Variants in NEIL2 observed in about 807,000 individuals in gnomAD.
NEIL2 encodes endonuclease 8-like 2.
In NEIL2, 23 loss-of-function variants were observed where a neutral mutation model predicts 22.2. The ratio of observed to expected loss-of-function variants is 1.04; its 90% CI spans 0.75 to 1.47. The LOEUF (loss-of-function observed/expected upper bound fraction) is 1.47, where lower values mean the gene tolerates loss of function less well. Ranked by LOEUF, NEIL2 falls within the 40% of genes most tolerant of loss-of-function variation. NEIL2 has a pLI of 0.00. For missense variants in NEIL2, 583 were observed against 404.7 expected (o/e 1.44, Z -3.78); for synonymous variants, 229 against 164.8 (o/e 1.39, Z -2.99).
chr8:11,779,494 C>G, intron 2 of NEIL2, 104 bp from the exon 3 acceptor site: 1 of 968,392 alleles, frequency 1.0e-6, no homozygotes, highest in Admixed American at 1.7e-5. Context: ...GAAGGCCCCC[C>G]AGGAGGGGTG....
Position 11,780,553 on chromosome 8 carries a change from A to G in NEIL2, c.491+603A>G, listed in dbSNP as rs1563260592. 2.0e-5 allele frequency among the ~76,000 whole-genome samples: 3 copies of G among 152,022 alleles called. No homozygotes were observed. The South Asian group carries it at 6.2e-4, about 32-fold the overall frequency. On this transcript the variant is annotated intron_variant, in intron 3 of 4. Transcript: ENST00000284503. ...TGCCACCACACCGGCTAACTTTTGTATTTTTAATAGAGACGGGGTTTCACC... is the reference window on the plus strand; with the variant it reads ...TGCCACCACACCGGCTAACTTTTGTGTTTTTAATAGAGACGGGGTTTCACC...
intron 2 of NEIL2, 57 bp downstream of exon 2, chr8:11,771,642 G>C: frequency 6.4e-7 from 1 of 1,561,224 alleles, no homozygotes; most frequent in Non-Finnish European, 8.7e-7. Flanking sequence ...GCCTCCCCTA[G>C]GATCTATCCC....
At chr8:11,777,477 C>G (rs567365113) in intron 2 of NEIL2, among the ~76,000 whole-genome samples, 5 of 152,094 alleles carry the variant, frequency 3.3e-5, no homozygotes, top group African/African-American at 4.8e-5. Context: ...AACAGTTTCC[C>G]TGAACTTTTT....
intron 4 of NEIL2, 53 bp downstream of exon 4, chr8:11,783,452 G>T: frequency 6.5e-7 from 1 of 1,543,720 alleles, no homozygotes; most frequent in East Asian, 2.2e-5. Context: ...TGGAAAAGTC[G>T]GTCCTGTGGG....
At chr8:11,776,625 A>G (rs1701212311) in intron 2 of NEIL2, among the ~76,000 whole-genome samples, 1 of 152,120 alleles carries the variant, frequency 6.6e-6, no homozygotes, top group South Asian at 2.1e-4. Context: ...AGTGTTTTCC[A>G]AGGCAGCTGC....
intron 2 of NEIL2, 125 bp from the exon 3 acceptor site, chr8:11,779,473 A>C: frequency 1.2e-6 from 1 of 822,308 alleles, no homozygotes; most frequent in Non-Finnish European, 2.1e-6. Flanking sequence ...GAGTCCAAAG[A>C]CTTCATTTGG....
At chr8:11,771,135 G>C (rs1241561228) in intron 1 of NEIL2, among the ~76,000 whole-genome samples, 2 of 152,180 alleles carry the variant, frequency 1.3e-5, no homozygotes, top group East Asian at 3.8e-4. Flanking sequence ...TGGTGTGGCA[G>C]GTGCCGCTCA....
At chr8:11,771,628 C>T in intron 2 of NEIL2, 43 bp downstream of exon 2, 1 of 1,588,106 alleles carries the variant, frequency 6.3e-7, no homozygotes, top group Non-Finnish European at 8.6e-7. Context: ...GTCGCCCATC[C>T]TGCGCCTCCC....
rs747068119 is a variant in NEIL2 at position 11,780,002 on chromosome 8, G to T, written c.491+52G>T. ...TGGGCTCTGATAGTCATAGGGCCCT[G>T]CTTGGTGGGGTTTGGGACTTCAGCA... On this transcript the variant is annotated intron_variant, in intron 3 of 4. Coordinates refer to ENST00000284503, the MANE Select transcript of NEIL2 (RefSeq NM_145043.4). The T allele has an allele frequency of 5.4e-6, 8 of 1,493,978 alleles. No homozygotes were observed. In the South Asian group the frequency reaches 9.1e-5, roughly 17 times the overall value. 92.5% of individuals were successfully genotyped at this position (1,493,978 alleles called of 1,614,324 possible).
intron 1 of NEIL2, 138 bp from the exon 2 acceptor site, chr8:11,771,308 A>T: frequency 2.9e-6 from 3 of 1,035,746 alleles, no homozygotes; most frequent in Non-Finnish European, 4.4e-6. Flanking sequence ...TCCCAGCCAC[A>T]CTCCCTTTTT....
At chr8:11,774,663 C>A (rs1344872437) in intron 2 of NEIL2, among the ~76,000 whole-genome samples, 1 of 152,214 alleles carries the variant, frequency 6.6e-6, no homozygotes, top group Non-Finnish European at 1.5e-5. Context: ...AGGCAGGTTG[C>A]TTCCACCTAT....
chr8:11,778,416 G>C (rs1030197189), intron 2 of NEIL2, among the ~76,000 whole-genome samples: 1 of 152,016 alleles, frequency 6.6e-6, no homozygotes, highest in East Asian at 1.9e-4. Flanking sequence ...GCTCTTTTGG[G>C]TGGAGGACTT....
chr8:11,786,470 G>T lies in NEIL2; in HGVS notation c.*197G>T. ...GTTAGATTTTTTTTATCCTTTTCTA[G>T]TTCAGTTAATTCATCCTGTTGAATT... is the stretch of plus-strand genomic sequence containing the variant. On this transcript the variant is annotated 3_prime_UTR_variant, in exon 5 of 5. Coordinates refer to ENST00000284503, the MANE Select transcript of NEIL2 (RefSeq NM_145043.4). 1.6e-6 allele frequency: 1 copy of T among 618,438 alleles called. No individual in the cohort carries two copies. 38.3% of individuals were successfully genotyped at this position (618,438 alleles called of 1,614,324 possible).
At position 11,770,979 on chromosome 8, in the gene NEIL2, G is replaced by A. The variant is rs181608150; in HGVS notation, c.-2-467G>A. Among the ~76,000 whole-genome samples, 86 of 152,262 alleles carry A rather than the reference G, an allele frequency of 5.6e-4. 1 individual carries two copies. Among genetic ancestry groups the A allele is most frequent in the Middle Eastern group, 3.4e-3 (1 of 294 alleles). On this transcript the variant is annotated intron_variant, in intron 1 of 4. Transcript: ENST00000284503. ...CTAGTGGTCGGCGGTCCTGGAGGGCGGCATCTGGTCCCTTCAAAAGTGGGA... is the reference window on the plus strand; with the variant it reads ...CTAGTGGTCGGCGGTCCTGGAGGGCAGCATCTGGTCCCTTCAAAAGTGGGA...
At chr8:11,773,157 T>C (rs1803618699) in intron 2 of NEIL2, among the ~76,000 whole-genome samples, 1 of 152,112 alleles carries the variant, frequency 6.6e-6, no homozygotes, top group Admixed American at 6.6e-5. Flanking sequence ...GGCAGAATTG[T>C]CTCTTGTCTC....
At chr8:11,782,476 A>T (rs571375922) in intron 3 of NEIL2, 4 of 154,812 alleles carry the variant, frequency 2.6e-5, no homozygotes, top group African/African-American at 7.2e-5. Flanking sequence ...CTAGCCTACC[A>T]AACATCTGGG....
intron 4 of NEIL2, among the ~76,000 whole-genome samples, chr8:11,784,968 A>C (rs1346732195): frequency 6.6e-6 from 1 of 152,136 alleles, no homozygotes; most frequent in East Asian, 1.9e-4. Context: ...TCTGTGGCTC[A>C]AGCGATCCTC....
chr8:11,772,455 A>G (rs1027389366), intron 2 of NEIL2, among the ~76,000 whole-genome samples: 12 of 152,054 alleles, frequency 7.9e-5, no homozygotes, highest in African/African-American at 2.7e-4. Flanking sequence ...TGTTCCCTCA[A>G]TTTATAATGG....
At chr8:11,770,455 G>T (rs557372266) in intron 1 of NEIL2, 120 bp downstream of exon 1, 3 of 152,194 alleles carry the variant, frequency 2.0e-5, no homozygotes, top group Non-Finnish European at 4.4e-5. Context: ...ACCAGCGAGT[G>T]TAAGATGCGC....
Sources: gnomAD v4.1 joint callset for allele counts (sites outside exome capture counted in the v4.1 genomes callset) on GRCh38, gnomAD v4.1.1 for gene constraint, MANE v1.5 for transcripts, NCBI Gene and HGNC (gene_info 2026-07-23, HGNC 2026-07-21) for gene names.